The following HECW1 variants were observed in gnomAD, a reference collection of about 807,000 sequenced individuals.
The protein encoded by HECW1 is HECT, C2 and WW domain containing E3 ubiquitin protein ligase 1, also known as E3 ubiquitin-protein ligase HECW1.
Under a neutral mutation model 182.3 loss-of-function variants are expected in HECW1, and 61 were observed. The observed-to-expected ratio is 0.33, with a 90% CI of 0.27 to 0.41. The LOEUF (loss-of-function observed/expected upper bound fraction) is 0.41. Ranked by LOEUF, HECW1 falls within the 10% of genes least tolerant of loss-of-function variation. The pLI is 1.00. For missense variants in HECW1, 1,739 were observed against 2,108.9 expected (o/e 0.82, Z 3.44); for synonymous variants, 859 against 832.6 (o/e 1.03, Z -0.55).
intron 2 of HECW1, among the ~76,000 whole-genome samples, chr7:43,128,869 A>G (rs551272432): frequency 6.6e-5 from 10 of 152,110 alleles, no homozygotes; most frequent in Admixed American, 2.0e-4. Context: ...GAAGGGTTCA[A>G]TACCTCAGTG....
intron 2 of HECW1, among the ~76,000 whole-genome samples, chr7:43,116,008 G>C (rs1189580009): frequency 6.6e-6 from 1 of 152,134 alleles, no homozygotes; most frequent in Non-Finnish European, 1.5e-5. Flanking sequence ...AATGTTTATT[G>C]AGTGGATTTC....
chr7:43,181,775 TG>T (rs1448546326), intron 2 of HECW1, among the ~76,000 whole-genome samples: 6 of 150,716 alleles, frequency 4.0e-5, no homozygotes, highest in Admixed American at 6.6e-5. Context: ...TTTCTCATAT[TG>T]TTTTTTGTTT....
At chr7:43,555,679 C>T (rs1282469805) in intron 29 of HECW1, among the ~76,000 whole-genome samples, 2 of 152,190 alleles carry the variant, frequency 1.3e-5, no homozygotes, top group Admixed American at 6.5e-5. Flanking sequence ...AGATTTTCCC[C>T]GAGGACAATT....
chr7:43,376,190 G>T (rs143286368), intron 6 of HECW1, among the ~76,000 whole-genome samples: 1 of 151,934 alleles, frequency 6.6e-6, no homozygotes, highest in African/African-American at 2.4e-5. Flanking sequence ...ACCAAAATAA[G>T]CGTGTAAGAT....
chr7:43,188,750 C>A (rs935623572), intron 2 of HECW1, among the ~76,000 whole-genome samples: 2 of 152,172 alleles, frequency 1.3e-5, no homozygotes, highest in African/African-American at 4.8e-5. Context: ...CTCCTGCCCC[C>A]GTGCCATATC....
At chr7:43,546,582 G>C (rs1276315359) in intron 26 of HECW1, among the ~76,000 whole-genome samples, 1 of 150,922 alleles carries the variant, frequency 6.6e-6, no homozygotes, top group African/African-American at 2.4e-5. Context: ...TTGAACTCAA[G>C]GGGTTCTGGG....
chr7:43,542,357 C>T (rs1437197839), intron 26 of HECW1, among the ~76,000 whole-genome samples: 1 of 151,904 alleles, frequency 6.6e-6, no homozygotes, highest in East Asian at 1.9e-4. Context: ...CATGTTGTAG[C>T]ATGTGTCTGA....
chr7:43,125,744 C>T (rs1362020360), intron 2 of HECW1, among the ~76,000 whole-genome samples: 3 of 102,534 alleles, frequency 2.9e-5, no homozygotes, highest in East Asian at 3.1e-4. Flanking sequence ...GGTGACAGAG[C>T]GAGATTCTGT....
chr7:43,345,162 A>T (rs913752468), intron 5 of HECW1, among the ~76,000 whole-genome samples: 4 of 152,140 alleles, frequency 2.6e-5, no homozygotes, highest in African/African-American at 9.7e-5. Context: ...TTATAGCAGG[A>T]GTTATGAATA....
intron 3 of HECW1, among the ~76,000 whole-genome samples, chr7:43,251,831 A>G (rs1412305024): frequency 1.3e-5 from 2 of 152,154 alleles, no homozygotes; most frequent in African/African-American, 2.4e-5. Flanking sequence ...ATTTTGCTCC[A>G]GTTACTGTTT....
rs28373054 is a variant in HECW1 at position 43,493,456 on chromosome 7, A to G, written c.3437+276A>G. 2.8e-3 allele frequency among the ~76,000 whole-genome samples: 428 copies of G among 152,322 alleles called. 6 individuals carry two copies. In the East Asian group the frequency reaches 0.034, roughly 12 times the overall value. Reference sequence around the variant, plus strand: ...GGGGGAAGGACAGAAAGGAAACAAAATAGCTTCCATTAAAAAATTATTTAT... The same window carrying G: ...GGGGGAAGGACAGAAAGGAAACAAAGTAGCTTCCATTAAAAAATTATTTAT... On this transcript the variant is annotated intron_variant, in intron 19 of 29. Coordinates refer to ENST00000395891, the MANE Select transcript of HECW1 (RefSeq NM_015052.5).
At chr7:43,337,093 T>G (rs144899835) in intron 5 of HECW1, among the ~76,000 whole-genome samples, 337 of 152,292 alleles carry the variant, frequency 2.2e-3, no homozygotes, top group East Asian at 7.3e-3. Context: ...GGTAGTTCTA[T>G]TTTTAGTTAT....
intron 21 of HECW1, 138 bp from the exon 22 acceptor site, chr7:43,506,999 G>T: frequency 1.0e-6 from 1 of 992,142 alleles, no homozygotes; most frequent in Non-Finnish European, 1.4e-6. Flanking sequence ...GAACCCAGGA[G>T]GTGGAAGTTG....
At chr7:43,150,423 G>T (rs1335970400) in intron 2 of HECW1, among the ~76,000 whole-genome samples, 2 of 152,256 alleles carry the variant, frequency 1.3e-5, no homozygotes, top group African/African-American at 2.4e-5. Context: ...CTGCCACCCA[G>T]ACAGGAGTGC....
chr7:43,468,309 T>C (rs1202391910), intron 15 of HECW1, among the ~76,000 whole-genome samples: 4 of 152,014 alleles, frequency 2.6e-5, no homozygotes, highest in African/African-American at 9.7e-5. Flanking sequence ...AAGGCAGACC[T>C]CAATAGTCAG....
At chr7:43,411,181 A>G (rs939452344) in intron 8 of HECW1, among the ~76,000 whole-genome samples, 2 of 152,034 alleles carry the variant, frequency 1.3e-5, no homozygotes, top group Admixed American at 1.3e-4. Context: ...ATTTGTATAT[A>G]ATTTATACTT....
intron 19 of HECW1, among the ~76,000 whole-genome samples, chr7:43,499,296 AT>A (rs930656679): frequency 4.6e-5 from 7 of 151,940 alleles, no homozygotes; most frequent in Non-Finnish European, 1.0e-4. Flanking sequence ...AAAATAAAAA[AT>A]TTTTTAAAGA....
At chr7:43,221,573 T>G (rs1018344369) in intron 2 of HECW1, among the ~76,000 whole-genome samples, 7 of 80,300 alleles carry the variant, frequency 8.7e-5, no homozygotes, top group Admixed American at 1.3e-4. Flanking sequence ...TTTTTTTTTT[T>G]TTTTTTGGGA....
intron 6 of HECW1, among the ~76,000 whole-genome samples, chr7:43,388,029 G>A (rs920440716): frequency 7.2e-5 from 11 of 152,210 alleles, no homozygotes; most frequent in African/African-American, 2.7e-4. Context: ...GTTTTATTAT[G>A]ATCTCCATTT....
Sources: gnomAD v4.1 joint callset for allele counts (sites outside exome capture counted in the v4.1 genomes callset) on GRCh38, gnomAD v4.1.1 for gene constraint, MANE v1.5 for transcripts, NCBI Gene and HGNC (gene_info 2026-07-23, HGNC 2026-07-21) for gene names.